Variants in LEPROTL1 observed in about 807,000 individuals in gnomAD.
The protein encoded by LEPROTL1 is leptin receptor overlapping transcript like 1, also known as leptin receptor overlapping transcript-like 1.
In LEPROTL1, 6 loss-of-function variants were observed where a neutral mutation model predicts 15.4. The ratio of observed to expected loss-of-function variants is 0.39; its 90% CI spans 0.21 to 0.77. The LOEUF (loss-of-function observed/expected upper bound fraction) is 0.77. Ranked by LOEUF, LEPROTL1 falls within the 30% of genes least tolerant of loss-of-function variation. The pLI is 0.41. For synonymous variants in LEPROTL1, 56 were observed against 52.6 expected (o/e 1.06, Z -0.28); for missense variants, 128 against 158.1 (o/e 0.81, Z 1.02).
chr8:30,137,120 A>G (rs1446449579), intron 4 of LEPROTL1, among the ~76,000 whole-genome samples: 1 of 152,190 alleles, frequency 6.6e-6, no homozygotes, highest in Non-Finnish European at 1.5e-5. Context: ...CTGTGCTCCA[A>G]GTGACCCTGA....
rs150553052 is a variant in LEPROTL1, at chr8:30,132,836, C to T, written c.394+347C>T. ...CCAGATGCTGCCTTCACTTTCCCCT[C>T]ACAAATGTCCAGAGAGAGGGACGTG... is the stretch of plus-strand genomic sequence containing the variant. On this transcript the variant is annotated intron_variant, in intron 4 of 4. Coordinates refer to the LEPROTL1 transcript ENST00000442880. 1.3e-5 allele frequency: 20 copies of T among 1,551,574 alleles called. No individual in the cohort carries two copies. Among genetic ancestry groups the T allele is most frequent in the Non-Finnish European group, 1.7e-5 (20 of 1,146,980 alleles).
intron 1 of LEPROTL1, chr8:30,095,933 C>A: frequency 1.4e-6 from 1 of 690,960 alleles, no homozygotes; most frequent in Non-Finnish European, 2.6e-6. Flanking sequence ...GCTAGAGATG[C>A]CAGCTATGGA....
chr8:30,132,278 A>C (rs1173212968), intron 3 of LEPROTL1: 13 of 1,551,788 alleles, frequency 8.4e-6, no homozygotes, highest in Non-Finnish European at 9.6e-6. Context: ...AACAACGGCC[A>C]AGCCCTGCTG....
chr8:30,137,239 G>A, intron 4 of LEPROTL1: 1 of 1,488,234 alleles, frequency 6.7e-7, no homozygotes, highest in Middle Eastern at 1.7e-4. Context: ...CACTTCTCTA[G>A]ACTGTAATTA....
intron 4 of LEPROTL1, chr8:30,132,873 C>A: frequency 1.3e-6 from 2 of 1,542,266 alleles, no homozygotes; most frequent in South Asian, 2.4e-5. Context: ...CCCTCTGGGT[C>A]AAGAGCATGA....
intron 2 of LEPROTL1, 131 bp from the exon 3 acceptor site, chr8:30,104,169 G>T: frequency 2.1e-6 from 1 of 472,634 alleles, no homozygotes; most frequent in Non-Finnish European, 3.6e-6. Flanking sequence ...GGTTGTTTCA[G>T]CTTTATGCTA....
At chr8:30,110,594 G>A (rs1427903347), downstream of LEPROTL1, among the ~76,000 whole-genome samples, 1 of 151,906 alleles carries the variant, frequency 6.6e-6, no homozygotes, top group African/African-American at 2.4e-5. Context: ...ATTAAGTCGG[G>A]TGTGGTGGTG....
At chr8:30,138,309 T>C, downstream of LEPROTL1, 1 of 448,146 alleles carries the variant, frequency 2.2e-6, no homozygotes, top group East Asian at 3.5e-5. Context: ...ACTGGGCGGT[T>C]ACACTAACAT....
chr8:30,098,903 G>A (rs747833069), intron 1 of LEPROTL1, among the ~76,000 whole-genome samples: 1 of 152,174 alleles, frequency 6.6e-6, no homozygotes, highest in Non-Finnish European at 1.5e-5. Context: ...ATTGAGCAAA[G>A]GAGAGGCATT....
chr8:30,120,327 T>C (rs117168948), intron 3 of LEPROTL1, among the ~76,000 whole-genome samples: 2,292 of 152,070 alleles, frequency 0.015, 33 homozygotes, highest in South Asian at 0.074. Flanking sequence ...CCCCAGCCAT[T>C]TGGGGAGAAA....
chr8:30,138,094 A>C (rs1732357095), downstream of LEPROTL1: 1 of 171,056 alleles, frequency 5.8e-6, no homozygotes, highest in African/African-American at 2.4e-5. Flanking sequence ...ACCAAGCGGC[A>C]CTGTCAACTC....
intron 1 of LEPROTL1, among the ~76,000 whole-genome samples, chr8:30,097,482 C>G (rs1480390336): frequency 1.3e-5 from 2 of 151,720 alleles, no homozygotes; most frequent in East Asian, 3.9e-4. Context: ...ACCAACCTGT[C>G]CAAGATGGTG....
chr8:30,111,085 G>T (rs987955796), downstream of LEPROTL1, among the ~76,000 whole-genome samples: 7 of 152,290 alleles, frequency 4.6e-5, no homozygotes, highest in African/African-American at 1.4e-4. Flanking sequence ...TTTGAAGATT[G>T]TTTCTGAAAG....
Position 30,106,111 on chromosome 8 carries a change from C to T in LEPROTL1, c.*249C>T, listed in dbSNP as rs974889970. On this transcript the variant is annotated 3_prime_UTR_variant, in exon 4 of 4. Coordinates refer to ENST00000321250, the MANE Select transcript of LEPROTL1 (RefSeq NM_015344.3). ...TCTATAGTATGCTTTTTGTGGTGTC[C>T]TGCTGAATTTAAATATTTATGTGTT... The T allele has an allele frequency of 2.9e-6, 3 of 1,029,310 alleles. No homozygotes were observed. The highest frequency in any genetic ancestry group is 4.5e-5 in the South Asian group (1 of 22,130). The allele number at this position is 1,029,310 out of a possible 1,614,324, so 63.8% of individuals were successfully genotyped here.
downstream of LEPROTL1, chr8:30,137,700 T>C (rs1803179357): frequency 1.7e-6 from 1 of 580,420 alleles, no homozygotes; most frequent in Non-Finnish European, 3.1e-6. Context: ...CCGGGACTCA[T>C]TTTGGGAGGA....
chr8:30,107,143 A>C lies in LEPROTL1; in HGVS notation c.*1281A>C. On this transcript the variant is annotated 3_prime_UTR_variant, in exon 4 of 4. Transcript: ENST00000321250. ...TCTGAACTGTTTTGATTTTGAGTTC[A>C]TCATGATAGATCTGCTGTTTCCTTA... 1.0e-6 allele frequency: 1 copy of C among 985,232 alleles called. No individual in the cohort carries two copies. Among genetic ancestry groups the C allele is most frequent in the South Asian group, 4.7e-5 (1 of 21,280 alleles). The allele number at this position is 985,232 out of a possible 1,614,324, so 61.0% of individuals were successfully genotyped here.
chr8:30,129,374 A>G (rs563198415), intron 3 of LEPROTL1, among the ~76,000 whole-genome samples: 2 of 152,262 alleles, frequency 1.3e-5, no homozygotes, highest in Admixed American at 1.3e-4. Flanking sequence ...AGTTTTAACG[A>G]TTAAAAGTGT....
intron 3 of LEPROTL1, among the ~76,000 whole-genome samples, chr8:30,120,435 G>A (rs977070600): frequency 2.0e-5 from 3 of 151,912 alleles, no homozygotes; most frequent in East Asian, 1.9e-4. Context: ...GTAAATGGTC[G>A]CTTAATAAGT....
At chr8:30,117,794 A>G in intron 3 of LEPROTL1, 1 of 736,338 alleles carries the variant, frequency 1.4e-6, no homozygotes, top group East Asian at 2.4e-5. Flanking sequence ...GCGGCGCAGA[A>G]AGATGGCAGG....
Sources: allele counts gnomAD v4.1 joint callset (sites outside exome capture counted in the v4.1 genomes callset), GRCh38; gene constraint gnomAD v4.1.1; transcripts MANE v1.5; gene names NCBI Gene and HGNC (gene_info 2026-07-23, HGNC 2026-07-21).